C2orf76: variants seen among roughly 807,000 people sequenced by gnomAD.
C2orf76 encodes the protein UPF0538 protein C2orf76.
In C2orf76, 23 loss-of-function variants were observed where a neutral mutation model predicts 16.9. The ratio of observed to expected loss-of-function variants is 1.36; its 90% confidence interval spans 0.98 to 1.93. The LOEUF is 1.93. Ranked by LOEUF, C2orf76 falls within the 30% of genes most tolerant of loss-of-function variation. The pLI, the probability that C2orf76 is intolerant of heterozygous loss-of-function variation, is 0.00. For synonymous variants in C2orf76, 48 were observed against 52.3 expected (o/e 0.92, Z 0.35); for missense variants, 152 against 152.6 (o/e 1.00, Z 0.02).
At chr2:119,323,356 C>G (rs1679408464) in intron 2 of C2orf76, among the ~76,000 whole-genome samples, 1 of 152,064 alleles carries the variant, frequency 6.6e-6, no homozygotes, top group South Asian at 2.1e-4. Flanking sequence ...TTTTCAAGAT[C>G]AAATACGTAT....
intron 3 of C2orf76, 74 bp downstream of exon 3, chr2:119,321,080 C>T: frequency 1.2e-6 from 1 of 819,358 alleles, no homozygotes; most frequent in Non-Finnish European, 1.8e-6. Flanking sequence ...TTTTTGAAAA[C>T]AAAATTTAAG....
At chr2:119,334,908 G>C (rs2104593099) in intron 2 of C2orf76, among the ~76,000 whole-genome samples, 1 of 152,250 alleles carries the variant, frequency 6.6e-6, no homozygotes, top group African/African-American at 2.4e-5. Flanking sequence ...CAAAAGGACT[G>C]TATCTAACTG....
chr2:119,360,966 A>C (rs1054472024), intron 1 of C2orf76, among the ~76,000 whole-genome samples: 6 of 152,252 alleles, frequency 3.9e-5, no homozygotes, highest in African/African-American at 1.4e-4. Context: ...TGTGGTTGCC[A>C]GGGGCTAAGG....
chr2:119,350,864 C>T (rs1680380923), intron 1 of C2orf76, among the ~76,000 whole-genome samples: 1 of 152,204 alleles, frequency 6.6e-6, no homozygotes, highest in African/African-American at 2.4e-5. Context: ...CAGGGGCAGG[C>T]TTCTGGATGA....
At chr2:119,341,183 T>C (rs1680018818) in intron 1 of C2orf76, among the ~76,000 whole-genome samples, 3 of 152,200 alleles carry the variant, frequency 2.0e-5, no homozygotes, top group Admixed American at 2.0e-4. Flanking sequence ...AATCTTGTTT[T>C]GTTTTGTTTG....
At chr2:119,334,632 G>A (rs1679785111) in intron 2 of C2orf76, among the ~76,000 whole-genome samples, 1 of 151,296 alleles carries the variant, frequency 6.6e-6, no homozygotes, top group Non-Finnish European at 1.5e-5. Context: ...TAAGGCTGCA[G>A]TGAGCCGAGA....
intron 1 of C2orf76, among the ~76,000 whole-genome samples, chr2:119,360,477 CAAAAAAAAAAAA>C (rs770401400): frequency 1.5e-5 from 1 of 66,898 alleles, no homozygotes; most frequent in African/African-American, 6.0e-5. Context: ...AACTCTGTCT[CAAAAAAAAAAAA>C]AAAAAAAAAA....
intron 4 of C2orf76, among the ~76,000 whole-genome samples, chr2:119,314,095 A>G (rs1679088185): frequency 6.6e-6 from 1 of 150,702 alleles, no homozygotes; most frequent in Admixed American, 6.6e-5. Flanking sequence ...ATGAAGTAAA[A>G]TGTATCAATC....
rs550658624 is a variant in C2orf76, at chr2:119,316,483, C to A, written c.222+983G>T. The stretch of plus-strand genomic sequence containing the variant: ...AATAAATGTGTGTTGTTTTAAGCCA[C>A]AAAAATATTTTTTAAATAACATAAA... On this transcript the variant is annotated intron_variant, in intron 4 of 5. Transcript: ENST00000334816. Among the ~76,000 whole-genome samples the A allele has an allele frequency of 3.9e-5, 6 of 152,282 alleles. No homozygotes were observed. In the East Asian group the frequency reaches 1.2e-3, roughly 29 times the overall value.
intron 1 of C2orf76, among the ~76,000 whole-genome samples, chr2:119,360,477 CAA>C (rs770401400): frequency 1.3e-4 from 9 of 66,920 alleles, no homozygotes; most frequent in Non-Finnish European, 1.4e-4. Context: ...AACTCTGTCT[CAA>C]AAAAAAAAAA....
intron 3 of C2orf76, among the ~76,000 whole-genome samples, chr2:119,319,594 C>G (rs1409009991): frequency 2.0e-5 from 3 of 152,172 alleles, no homozygotes; most frequent in Admixed American, 2.0e-4. Context: ...CAACTACATT[C>G]TTGTGTGCCC....
intron 2 of C2orf76, among the ~76,000 whole-genome samples, chr2:119,328,122 T>A (rs886118687): frequency 2.0e-5 from 3 of 152,024 alleles, no homozygotes; most frequent in Non-Finnish European, 4.4e-5. Context: ...CAGCCTCCTA[T>A]ATAGCTGGGA....
intron 2 of C2orf76, among the ~76,000 whole-genome samples, chr2:119,332,953 G>T (rs775955392): frequency 6.6e-6 from 1 of 152,122 alleles, no homozygotes; most frequent in Non-Finnish European, 1.5e-5. Flanking sequence ...GGCTGGTCTC[G>T]AACTCCTGCA....
intron 4 of C2orf76, among the ~76,000 whole-genome samples, chr2:119,314,427 T>A (rs1435712119): frequency 6.6e-6 from 1 of 152,202 alleles, no homozygotes; most frequent in Non-Finnish European, 1.5e-5. Context: ...GTTTTTTAGA[T>A]GTTTATGCAG....
intron 2 of C2orf76, among the ~76,000 whole-genome samples, chr2:119,328,598 C>G (rs1679581484): frequency 6.6e-6 from 1 of 151,982 alleles, no homozygotes; most frequent in South Asian, 2.1e-4. Context: ...TTTCTATTTT[C>G]TGCTGTGATC....
At chr2:119,292,028 T>C in the C2orf76 span, among the ~76,000 whole-genome samples, 1 of 152,026 alleles carries the variant, frequency 6.6e-6, no homozygotes, top group East Asian at 1.9e-4. Flanking sequence ...GCTGCCTATG[T>C]CCAAGCGGAG....
chr2:119,360,554 C>T (rs764919171), intron 1 of C2orf76, among the ~76,000 whole-genome samples: 3 of 150,034 alleles, frequency 2.0e-5, no homozygotes, highest in Non-Finnish European at 3.0e-5. Context: ...ACAGACTATA[C>T]GTATAGTGTA....
intron 4 of C2orf76, among the ~76,000 whole-genome samples, chr2:119,312,567 G>A (rs891052968): frequency 4.6e-5 from 7 of 151,962 alleles, no homozygotes; most frequent in African/African-American, 9.7e-5. Context: ...TACTTCAAAC[G>A]GCCAGAAGTC....
intron 1 of C2orf76, among the ~76,000 whole-genome samples, chr2:119,361,377 A>T (rs1558800259): frequency 6.6e-6 from 1 of 152,258 alleles, no homozygotes; most frequent in Non-Finnish European, 1.5e-5. Context: ...AAATTTTATT[A>T]TAGATATGTA....
Sources: gnomAD v4.1 joint callset for allele counts (sites outside exome capture counted in the v4.1 genomes callset) on GRCh38, gnomAD v4.1.1 for gene constraint, MANE v1.5 for transcripts, NCBI Gene and HGNC (gene_info 2026-07-23, HGNC 2026-07-21) for gene names.